The following TANC1 variants were observed in gnomAD, a reference collection of about 807,000 sequenced individuals.
The protein encoded by TANC1 is tetratricopeptide repeat, ankyrin repeat and coiled-coil containing 1, also known as protein TANC1.
Under a neutral mutation model 149.7 loss-of-function variants are expected in TANC1, and 77 were observed. That is an observed-to-expected ratio of 0.51 (90% CI 0.43 to 0.62). The LOEUF is 0.62. Ranked by LOEUF, TANC1 falls within the 20% of genes least tolerant of loss-of-function variation. The pLI is 0.00. For missense variants in TANC1, 1,985 were observed against 2,321.8 expected, an observed-to-expected ratio of 0.85 and a Z score of 2.98; for synonymous variants, 854 against 925.0, an observed-to-expected ratio of 0.92 and a Z score of 1.39.
chr2:159,171,592 C>T (rs2055214796), intron 10 of TANC1, among the ~76,000 whole-genome samples: 1 of 152,168 alleles, frequency 6.6e-6, no homozygotes, highest in Non-Finnish European at 1.5e-5. Flanking sequence ...CCACTGCCCT[C>T]ATGCCTGTAA....
chr2:158,972,201 A>G (rs142249149), intron 1 of TANC1, among the ~76,000 whole-genome samples: 106 of 152,364 alleles, frequency 7.0e-4, no homozygotes, highest in African/African-American at 2.4e-3. Context: ...AATCCGGACT[A>G]GTAACCCAGA....
chr2:159,172,212 G>A lies in TANC1; in HGVS notation c.1443G>A (p.Gly481=), dbSNP rs777527187. The change falls in exon 11 of 27, where the codon GGG becomes GGA. Residue 481 remains glycine (G), a synonymous_variant. Transcript: ENST00000263635. ...CCAGCACAGCTAAAACACCTCTTGG[G>A]TCTATCAGTGCTGAAAACCAGAGAC... The part of the protein sequence containing the change: ...SASSTAKTPL[G]SISAENQRPR... 39 of 1,614,138 alleles carry A rather than the reference G, an allele frequency of 2.4e-5. No individual in the cohort carries two copies. In the East Asian group the frequency reaches 8.0e-4, roughly 33 times the overall value.
At chr2:159,040,726 A>G (rs879460117) in intron 2 of TANC1, among the ~76,000 whole-genome samples, 6 of 152,134 alleles carry the variant, frequency 3.9e-5, no homozygotes, top group Non-Finnish European at 7.3e-5. Context: ...AGCTTGGAGA[A>G]GTTTGTTATT....
At position 159,163,270 on chromosome 2, in the gene TANC1, T is replaced by C; in HGVS notation, c.683-13T>C. On this transcript the variant is annotated splice_polypyrimidine_tract_variant and intron_variant, in intron 7 of 26. Transcript: ENST00000263635. ...CCTGGCCTCCTTCAAAGTATTTTGGTCTTTCATTTCAGCCACAATTACAAG... is the reference window on the plus strand; with the variant it reads ...CCTGGCCTCCTTCAAAGTATTTTGGCCTTTCATTTCAGCCACAATTACAAG... The C allele has an allele frequency of 6.2e-7, 1 of 1,610,476 alleles. No individual in the cohort carries two copies. The highest frequency in any genetic ancestry group is 8.5e-7 in the Non-Finnish European group (1 of 1,177,556).
intron 14 of TANC1, among the ~76,000 whole-genome samples, chr2:159,184,818 G>T (rs1205839805): frequency 6.6e-6 from 1 of 152,222 alleles, no homozygotes; most frequent in African/African-American, 2.4e-5. Context: ...GACTCAGTGG[G>T]CAGTGTGGCC....
chr2:159,203,456 C>T (rs2058391444), intron 19 of TANC1, among the ~76,000 whole-genome samples: 3 of 152,156 alleles, frequency 2.0e-5, no homozygotes, highest in South Asian at 2.1e-4. Context: ...CCACCCACCT[C>T]GGCCTCCCAG....
intron 19 of TANC1, 88 bp from the exon 20 acceptor site, chr2:159,217,409 C>T: frequency 6.5e-7 from 1 of 1,549,986 alleles, no homozygotes; most frequent in Admixed American, 1.7e-5. Context: ...CCCCATCTCC[C>T]ACTGGGGGAG....
chr2:159,032,697 T>G (rs921623148), intron 2 of TANC1, among the ~76,000 whole-genome samples: 6 of 152,104 alleles, frequency 3.9e-5, no homozygotes, highest in African/African-American at 1.4e-4. Context: ...AAACCACATA[T>G]TCTCTCCTGT....
intron 3 of TANC1, among the ~76,000 whole-genome samples, chr2:159,081,222 C>G (rs1834789): frequency 0.095 from 14,507 of 152,264 alleles, 961 homozygotes; most frequent in East Asian, 0.27. Context: ...TATAGTTGCA[C>G]TGTCATAACC....
chr2:159,091,965 G>GC (rs1370767700), intron 3 of TANC1, among the ~76,000 whole-genome samples: 2 of 146,702 alleles, frequency 1.4e-5, no homozygotes, highest in Non-Finnish European at 3.0e-5. Context: ...TAAATATAGG[G>GC]GGGGGTGTGT....
At chr2:158,998,948 G>C (rs2036388851) in intron 1 of TANC1, among the ~76,000 whole-genome samples, 1 of 152,150 alleles carries the variant, frequency 6.6e-6, no homozygotes, top group African/African-American at 2.4e-5. Context: ...AATCAGGAGA[G>C]TGCAATTATG....
intron 8 of TANC1, among the ~76,000 whole-genome samples, chr2:159,168,027 C>G (rs1424740052): frequency 2.0e-5 from 3 of 152,154 alleles, no homozygotes; most frequent in Non-Finnish European, 4.4e-5. Flanking sequence ...ATGTCTCCCT[C>G]TAGGCTCTCA....
intron 3 of TANC1, among the ~76,000 whole-genome samples, chr2:159,086,950 T>C (rs1559232480): frequency 1.3e-5 from 2 of 151,964 alleles, no homozygotes; most frequent in Non-Finnish European, 2.9e-5. Context: ...AAAACAGTCA[T>C]TGTGGTGTTC....
intron 1 of TANC1, among the ~76,000 whole-genome samples, chr2:158,998,538 A>G (rs2036340483): frequency 6.6e-6 from 1 of 152,178 alleles, no homozygotes; most frequent in Admixed American, 6.5e-5. Context: ...TGCCCTGTTG[A>G]GCCTCGAGGC....
At chr2:159,127,716 CG>C (rs938306785) in intron 4 of TANC1, among the ~76,000 whole-genome samples, 23 of 152,050 alleles carry the variant, frequency 1.5e-4, no homozygotes, top group Non-Finnish European at 1.5e-5. Flanking sequence ...CGTCAGGGCA[CG>C]GGGGGAGGGA....
At chr2:159,047,236 C>T (rs2041140891) in intron 2 of TANC1, among the ~76,000 whole-genome samples, 1 of 151,118 alleles carries the variant, frequency 6.6e-6, no homozygotes, top group Non-Finnish European at 1.5e-5. Context: ...CCAAACCACT[C>T]ACCCCACGCT....
chr2:159,171,393 A>G (rs1392037594), intron 10 of TANC1, among the ~76,000 whole-genome samples: 1 of 152,216 alleles, frequency 6.6e-6, no homozygotes, highest in African/African-American at 2.4e-5. Context: ...ACACTTTGGA[A>G]GGCCGAGGTG....
chr2:159,083,613 T>C (rs1303353261), intron 3 of TANC1, among the ~76,000 whole-genome samples: 2 of 152,242 alleles, frequency 1.3e-5, no homozygotes, highest in Non-Finnish European at 2.9e-5. Flanking sequence ...GCAAGTTAGA[T>C]ACACAAAAAG....
intron 2 of TANC1, among the ~76,000 whole-genome samples, chr2:159,023,077 G>A (rs1399694074): frequency 6.6e-6 from 1 of 152,178 alleles, no homozygotes; most frequent in African/African-American, 2.4e-5. Context: ...CATATAGTGG[G>A]AGCATAGGGA....
Sources: allele counts gnomAD v4.1 joint callset (sites outside exome capture counted in the v4.1 genomes callset), GRCh38; gene constraint gnomAD v4.1.1; transcripts MANE v1.5; gene names NCBI Gene and HGNC (gene_info 2026-07-23, HGNC 2026-07-21).